The following PCDHGB5 variants were observed in gnomAD, a reference collection of about 807,000 sequenced individuals.
PCDHGB5 encodes protocadherin gamma subfamily B, 5.
Under a neutral mutation model 62.9 loss-of-function variants are expected in PCDHGB5, and 48 were observed. That is an observed-to-expected ratio of 0.76 (90% CI 0.61 to 0.97). The LOEUF (loss-of-function observed/expected upper bound fraction) is 0.97, where lower values mean the gene tolerates loss of function less well. PCDHGB5 is among the 50% of genes least tolerant of loss of function. The probability of loss-of-function intolerance (pLI) is 0.00; values close to 1 mark genes in which losing one functional copy is unlikely to be tolerated. For missense variants in PCDHGB5, 1,118 were observed against 1,198.6 expected (o/e 0.93, Z 0.99); for synonymous variants, 474 against 511.2 (o/e 0.93, Z 0.98).
chr5:141,478,920 C>T lies in PCDHGB5; in HGVS notation c.2398-15887C>T, dbSNP rs559060283. On this transcript the variant is annotated intron_variant, in intron 1 of 3. Transcript: ENST00000617380. Reference sequence around the variant, plus strand: ...GGAATAAGCTGCTGGATACCTCTAACCAGTGGCAGCTTCTAGGAATACAAA... The same window carrying T: ...GGAATAAGCTGCTGGATACCTCTAATCAGTGGCAGCTTCTAGGAATACAAA... 608 of 728,392 alleles carry T rather than the reference C, an allele frequency of 8.3e-4. 2 individuals are homozygous for T. The highest frequency in any genetic ancestry group is 1.2e-3 in the South Asian group (55 of 44,196). 45.1% of individuals were successfully genotyped at this position (728,392 alleles called of 1,614,324 possible).
At position 141,490,645 on chromosome 5, in the gene PCDHGB5, C is replaced by G; in HGVS notation, c.2398-4162C>G. ...TGCTTACATCCTAGAAAACCGGCCTCCGGGCTCCCTTCTTTGCACTGTGGC... is the reference window on the plus strand; with the variant it reads ...TGCTTACATCCTAGAAAACCGGCCTGCGGGCTCCCTTCTTTGCACTGTGGC... On this transcript the variant is annotated intron_variant, in intron 1 of 3. Transcript: ENST00000617380. The surrounding 1 kb of genome is among the most constrained non-coding windows in gnomAD (Gnocchi z 5.4). 6.2e-7 allele frequency: 1 copy of G among 1,614,220 alleles called. No homozygotes were observed. Among genetic ancestry groups the G allele is most frequent in the Non-Finnish European group, 8.5e-7 (1 of 1,180,022 alleles).
chr5:141,438,623 TATATATATATATACACAC>T (rs1435936123), intron 1 of PCDHGB5, among the ~76,000 whole-genome samples: 532 of 42,826 alleles, frequency 0.012, 5 homozygotes, highest in African/African-American at 0.075. Flanking sequence ...TATATATATA[TATATATATATATACACAC>T]ACACACACAC....
At chr5:141,474,143 T>C (rs933805562) in intron 1 of PCDHGB5, among the ~76,000 whole-genome samples, 5 of 152,188 alleles carry the variant, frequency 3.3e-5, no homozygotes, top group Non-Finnish European at 5.9e-5. Flanking sequence ...CAGGCCTTAT[T>C]ATCAAGAAAA....
Position 141,399,671 on chromosome 5 carries a change from C to T in PCDHGB5, c.1544C>T (p.Ala515Val), listed in dbSNP as rs764084700. 2 of 1,613,512 alleles carry T rather than the reference C, an allele frequency of 1.2e-6. No individual in the cohort carries two copies. The highest frequency in any genetic ancestry group is 4.5e-5 in the East Asian group (2 of 44,890). The change falls in exon 1 of 4, where the codon GCC becomes GTC. Residue 515 changes from alanine to valine, a missense_variant. Transcript: ENST00000617380. ...AGTGGGGTGGTGTTCGCGCAGCGCG[C>T]CTTTGACTACGAGCAGCTGCGCACC... ...AQSGVVFAQRAFDYEQLRTFE... is the reference protein window; with the variant it reads ...AQSGVVFAQRVFDYEQLRTFE...
At position 141,511,227 on chromosome 5, in the gene PCDHGB5, TCTC is replaced by T. The variant is rs2099883680; in HGVS notation, c.*57_*59del. 2 of 1,599,470 alleles carry T rather than the reference TCTC, an allele frequency of 1.3e-6. No homozygotes were observed. Among genetic ancestry groups the T allele is most frequent in the Non-Finnish European group, 1.7e-6 (2 of 1,173,054 alleles). ...CGGCCTCTCCCCAACCAGCCCAGCTTCTCCTTACCTGCACCCAGGCCTCAGAGT... is the reference window on the plus strand; with the variant it reads ...CGGCCTCTCCCCAACCAGCCCAGCTTCTTACCTGCACCCAGGCCTCAGAGT... On this transcript the variant is annotated 3_prime_UTR_variant, in exon 4 of 4. Transcript: ENST00000617380.
chr5:141,495,434 G>A (rs1038100521), intron 2 of PCDHGB5, among the ~76,000 whole-genome samples: 2 of 152,196 alleles, frequency 1.3e-5, no homozygotes, highest in Non-Finnish European at 2.9e-5. Flanking sequence ...ACTGTCCTCT[G>A]CCCCTACTTG....
At chr5:141,415,881 T>C (rs1589997447) in intron 1 of PCDHGB5, 1 of 1,003,346 alleles carries the variant, frequency 1.0e-6, no homozygotes, top group Non-Finnish European at 1.3e-6. Context: ...GAGTACAATA[T>C]TGACAATTCC....
intron 1 of PCDHGB5, chr5:141,415,642 A>T (rs1418546981): frequency 6.0e-6 from 5 of 831,836 alleles, no homozygotes; most frequent in Middle Eastern, 2.6e-4. Flanking sequence ...TACTTTTGTT[A>T]AAAAAAAAAA....
chr5:141,419,765 G>A, intron 1 of PCDHGB5: 1 of 1,614,016 alleles, frequency 6.2e-7, no homozygotes, highest in Non-Finnish European at 8.5e-7. Context: ...GGGTGACAAG[G>A]ACTCGGTCCG....
intron 1 of PCDHGB5, among the ~76,000 whole-genome samples, chr5:141,467,116 A>T (rs981562543): frequency 2.0e-5 from 3 of 150,560 alleles, no homozygotes; most frequent in Non-Finnish European, 4.4e-5. Flanking sequence ...ACAATGGTGC[A>T]ATCTCAGCTC....
At chr5:141,422,464 A>G (rs1303001624) in intron 1 of PCDHGB5, 1 of 1,613,502 alleles carries the variant, frequency 6.2e-7, no homozygotes, top group Admixed American at 1.7e-5. Context: ...AGTGCTGGAC[A>G]GGGAGTTGGT....
In PCDHGB5 at chr5:141,491,927, G is replaced by A. The variant is rs1314503730; in HGVS notation, c.2398-2880G>A. 3 of 1,309,982 alleles carry A rather than the reference G, an allele frequency of 2.3e-6. No individual in the cohort carries two copies. In the African/African-American group the frequency reaches 4.5e-5, roughly 20 times the overall value. 81.1% of individuals were successfully genotyped at this position (1,309,982 alleles called of 1,614,324 possible). A position where few individuals can be genotyped will look rare whatever the true frequency, so the allele number is the denominator to read the frequency against. On this transcript the variant is annotated intron_variant, in intron 1 of 3. Coordinates refer to ENST00000617380, the MANE Select transcript of PCDHGB5 (RefSeq NM_018925.3). The surrounding 1 kb of genome is among the most constrained non-coding windows in gnomAD (Gnocchi z 6.9). ...GTGGTGGCGACTGTGGGCGAGGGGAGGTGGGACCGACCCCCACCCCTACAC... is the reference window on the plus strand; with the variant it reads ...GTGGTGGCGACTGTGGGCGAGGGGAAGTGGGACCGACCCCCACCCCTACAC...
At chr5:141,465,184 A>G (rs866520508) in intron 1 of PCDHGB5, among the ~76,000 whole-genome samples, 2 of 152,130 alleles carry the variant, frequency 1.3e-5, no homozygotes, top group Admixed American at 6.5e-5. Flanking sequence ...ATTTAATTAA[A>G]AGATAAAAAT....
In PCDHGB5 at chr5:141,486,092, C is replaced by A; in HGVS notation, c.2398-8715C>A. Reference sequence around the variant, plus strand: ...TACTGGAAAGCTTACTCTTTTGGGGCCCCTAGACTTTGAGAGTGAGAATTA... The same window carrying A: ...TACTGGAAAGCTTACTCTTTTGGGGACCCTAGACTTTGAGAGTGAGAATTA... On this transcript the variant is annotated intron_variant, in intron 1 of 3. Coordinates refer to ENST00000617380, the MANE Select transcript of PCDHGB5 (RefSeq NM_018925.3). The surrounding 1 kb of genome is among the most constrained non-coding windows in gnomAD (Gnocchi z 5.0). 1.9e-6 allele frequency: 3 copies of A among 1,614,148 alleles called. No individual in the cohort carries two copies. Among genetic ancestry groups the A allele is most frequent in the Non-Finnish European group, 2.5e-6 (3 of 1,180,008 alleles).
chr5:141,512,866 AC>A lies in PCDHGB5; in HGVS notation c.*1694del. Reference sequence around the variant, plus strand: ...TATAAGCGCTTCTCTTCGCATAGTCACGTAGCTCCCACCCCACCCTCTTCCT... The same window carrying A: ...TATAAGCGCTTCTCTTCGCATAGTCAGTAGCTCCCACCCCACCCTCTTCCT... On this transcript the variant is annotated 3_prime_UTR_variant, in exon 4 of 4. Transcript: ENST00000617380. 1 of 152,098 alleles carries A rather than the reference AC, an allele frequency of 6.6e-6. No homozygotes were observed. Among genetic ancestry groups the A allele is most frequent in the Non-Finnish European group, 1.5e-5 (1 of 68,034 alleles). 9.4% of individuals were successfully genotyped at this position (152,098 alleles called of 1,614,324 possible).
At position 141,398,578 on chromosome 5, in the gene PCDHGB5, A is replaced by C. The variant is rs370163028; in HGVS notation, c.451A>C (p.Arg151=). Residue 151 remains arginine (R), a synonymous_variant, in exon 1 of 4, where the codon AGA becomes CGA. Transcript: ENST00000617380. ...QISESAQPGT[R]FILEVAEDAD... ...AAGTGAGTCTGCACAGCCTGGCACA[A>C]GATTTATACTAGAAGTAGCAGAAGA... 29 of 1,613,942 alleles carry C rather than the reference A, an allele frequency of 1.8e-5. No individual in the cohort carries two copies. Among genetic ancestry groups the C allele is most frequent in the Admixed American group, 3.3e-5 (2 of 60,010 alleles).
chr5:141,496,146 G>T (rs749790409), intron 2 of PCDHGB5, among the ~76,000 whole-genome samples: 1 of 151,170 alleles, frequency 6.6e-6, no homozygotes, highest in South Asian at 2.1e-4. Flanking sequence ...GCCTTTGATC[G>T]CAGCTCTCCA....
At chr5:141,468,739 G>A (rs1167211344) in intron 1 of PCDHGB5, among the ~76,000 whole-genome samples, 5 of 152,000 alleles carry the variant, frequency 3.3e-5, no homozygotes, top group African/African-American at 1.2e-4. Context: ...GGTGGCGGGT[G>A]CCTGTAGTCC....
chr5:141,424,697 T>C (rs1467404367), intron 1 of PCDHGB5: 4 of 152,342 alleles, frequency 2.6e-5, no homozygotes, highest in South Asian at 4.1e-4. Context: ...GGCTATTTTT[T>C]TGTTCATTTT....
Sources: gnomAD v4.1 joint callset for allele counts (sites outside exome capture counted in the v4.1 genomes callset) on GRCh38, gnomAD v4.1.1 for gene constraint, Gnocchi (gnomAD v3.1) non-coding constraint, MANE v1.5 for transcripts, NCBI Gene and HGNC (gene_info 2026-07-23, HGNC 2026-07-21) for gene names.